NOTCH2: variants seen among roughly 807,000 people sequenced by gnomAD.
The protein encoded by NOTCH2 is neurogenic locus notch homolog protein 2.
NOTCH2 carries 29 observed loss-of-function variants against 235.8 expected under a neutral mutation model. The ratio of observed to expected loss-of-function variants is 0.12; its 90% CI spans 0.09 to 0.17. NOTCH2 has a LOEUF of 0.17. Among genes scored for constraint, NOTCH2 ranks in the 10% least tolerant of loss-of-function variants. The pLI is 1.00. For synonymous variants in NOTCH2, 1,086 were observed against 1,141.5 expected, an observed-to-expected ratio of 0.95 and a Z score of 0.98; for missense variants, 2,285 against 3,150.2, an observed-to-expected ratio of 0.73 and a Z score of 6.57.
rs17258579 is a variant in NOTCH2 at position 119,926,454 on chromosome 1, T to C, written c.4005+45A>G. ...ATCTCAGTTCTGTTCACAGATTGTA[T>C]GGAAGAGACAATGCCCCTTCTTAGA... is the stretch of plus-strand genomic sequence containing the variant. On this transcript the variant is annotated intron_variant, in intron 24 of 33. Transcript: ENST00000256646. 0.13 allele frequency: 172,517 copies of C among 1,334,596 alleles called. 12,384 individuals are homozygous for C. Among genetic ancestry groups the C allele is most frequent in the Non-Finnish European group, 0.15 (140,566 of 940,820 alleles). The allele number at this position is 1,334,596 out of a possible 1,614,324, so 82.7% of individuals were successfully genotyped here.
chr1:119,917,640 C>G (rs769813313), intron 33 of NOTCH2, 25 bp downstream of exon 33: 2 of 1,498,244 alleles, frequency 1.3e-6, no homozygotes, highest in Non-Finnish European at 1.9e-6. Flanking sequence ...TGAGCCTCCT[C>G]AAGCTCAGAG....
At chr1:119,996,652 A>T in intron 4 of NOTCH2, 1 of 881,278 alleles carries the variant, frequency 1.1e-6, no homozygotes, top group African/African-American at 1.6e-5. Flanking sequence ...CCACACATAC[A>T]TATTTTCCAG....
intron 20 of NOTCH2, among the ~76,000 whole-genome samples, 190 bp downstream of exon 20, chr1:119,937,667 T>A (rs1304235992): frequency 6.6e-6 from 1 of 152,200 alleles, no homozygotes; most frequent in East Asian, 1.9e-4. Flanking sequence ...TCAAATACAT[T>A]CTTCTCCGAA....
intron 25 of NOTCH2, 131 bp downstream of exon 25, chr1:119,925,174 G>A (rs1011009753): frequency 3.2e-5 from 37 of 1,146,142 alleles, no homozygotes; most frequent in Non-Finnish European, 4.9e-5. Flanking sequence ...TGTGCGATGG[G>A]ACAAGGCTGG....
At chr1:119,939,719 A>G (rs1283160091) in intron 19 of NOTCH2, among the ~76,000 whole-genome samples, 2 of 151,370 alleles carry the variant, frequency 1.3e-5, no homozygotes, top group East Asian at 1.9e-4. Flanking sequence ...GTGCTTCACC[A>G]GCACTGCCAA....
chr1:119,964,516 C>G lies in NOTCH2; in HGVS notation c.1682-709G>C, dbSNP rs1353131. Among the ~76,000 whole-genome samples the G allele has an allele frequency of 6.0e-3, 914 of 152,272 alleles. 9 individuals carry two copies. The highest frequency in any genetic ancestry group is 0.02 in the African/African-American group (833 of 41,566). On this transcript the variant is annotated intron_variant, in intron 10 of 33. Coordinates refer to ENST00000256646, the MANE Select transcript of NOTCH2 (RefSeq NM_024408.4). Reference sequence around the variant, plus strand: ...CAGGGGAAGACAAAATCTGGATTCTCTGACAAGCATTAACTATTTGCAAAA... The same window carrying G: ...CAGGGGAAGACAAAATCTGGATTCTGTGACAAGCATTAACTATTTGCAAAA...
chr1:119,916,647 T>A lies in NOTCH2; in HGVS notation c.6075A>T (p.Ala2025=). 1 of 1,614,234 alleles carries A rather than the reference T, an allele frequency of 6.2e-7. No homozygotes were observed. Among genetic ancestry groups the A allele is most frequent in the Non-Finnish European group, 8.5e-7 (1 of 1,180,038 alleles). Reference sequence around the variant, plus strand: ...CAAAATGGTCTAACAGGATCTTGGCTGCTTCATAGCTCCCCTCCCGGGCAG... The same window carrying A: ...CAAAATGGTCTAACAGGATCTTGGCAGCTTCATAGCTCCCCTCCCGGGCAG... ...FLAAREGSYE[A]AKILLDHFAN... is the part of the protein sequence containing the mutation. The change falls in exon 34 of 34, where the codon GCA becomes GCT. Residue 2025 remains alanine (A), a synonymous_variant. Coordinates refer to ENST00000256646, the MANE Select transcript of NOTCH2 (RefSeq NM_024408.4).
intron 3 of NOTCH2, among the ~76,000 whole-genome samples, chr1:119,997,590 C>T (rs1237085465): frequency 1.3e-5 from 2 of 151,848 alleles, no homozygotes; most frequent in African/African-American, 4.8e-5. Context: ...CACATTGAAG[C>T]CCAATCCTGC....
intron 3 of NOTCH2, among the ~76,000 whole-genome samples, chr1:120,002,543 T>C (rs2793924): frequency 0.98 from 141,916 of 145,092 alleles, 69,488 homozygotes; most frequent in East Asian, 1. Flanking sequence ...AAAAAAAACA[T>C]AACCTGCTGA....
intron 5 of NOTCH2, among the ~76,000 whole-genome samples, chr1:119,975,226 A>G (rs1232831355): frequency 2.0e-5 from 3 of 151,920 alleles, no homozygotes; most frequent in Non-Finnish European, 2.9e-5. Context: ...AGTGAAGATG[A>G]CATGGCATTA....
intron 19 of NOTCH2, among the ~76,000 whole-genome samples, chr1:119,938,211 C>T (rs889512415): frequency 6.6e-6 from 1 of 152,068 alleles, no homozygotes; most frequent in African/African-American, 2.4e-5. Context: ...TAAGTCTTCA[C>T]TTAATGTCAT....
At chr1:119,989,084 T>C (rs371430883) in intron 4 of NOTCH2, among the ~76,000 whole-genome samples, 2 of 152,342 alleles carry the variant, frequency 1.3e-5, no homozygotes, top group South Asian at 2.1e-4. Flanking sequence ...AGTTATTTCA[T>C]AGCTAAAAGC....
intron 3 of NOTCH2, among the ~76,000 whole-genome samples, chr1:120,000,003 G>GGAAGGAAA (rs1652681549): frequency 6.7e-6 from 1 of 149,256 alleles, no homozygotes; most frequent in East Asian, 2.0e-4. Flanking sequence ...AAGGAAGGAA[G>GGAAGGAAA]GAAGGAAGGA....
intron 25 of NOTCH2, 73 bp downstream of exon 25, chr1:119,925,232 T>A (rs1407702191): frequency 1.3e-6 from 2 of 1,593,766 alleles, no homozygotes; most frequent in Admixed American, 1.7e-5. Flanking sequence ...CTGGAGTGGT[T>A]AGGAGCAAGA....
Position 119,981,753 on chromosome 1 carries a change from G to C in NOTCH2, c.874+5207C>G, listed in dbSNP as rs187814262. On this transcript the variant is annotated intron_variant, in intron 5 of 33. Transcript: ENST00000256646. ...CCCAACTGATAGGAAACCGAATTTGGGGTGAGGAGGTAGAATTCAGAAAAC... is the reference window on the plus strand; with the variant it reads ...CCCAACTGATAGGAAACCGAATTTGCGGTGAGGAGGTAGAATTCAGAAAAC... Among the ~76,000 whole-genome samples, 484 of 152,242 alleles carry C rather than the reference G, an allele frequency of 3.2e-3. 1 individual carries two copies. Among genetic ancestry groups the C allele is most frequent in the African/African-American group, 0.011 (466 of 41,548 alleles).
At chr1:119,958,468 G>C (rs1360016464) in intron 12 of NOTCH2, among the ~76,000 whole-genome samples, 2 of 152,216 alleles carry the variant, frequency 1.3e-5, no homozygotes, top group Non-Finnish European at 2.9e-5. Flanking sequence ...AAACTCTGAA[G>C]GGTGTTTCTC....
chr1:119,942,267 C>T lies in NOTCH2; in HGVS notation c.2753-513G>A, dbSNP rs587676490. 2.4e-4 allele frequency among the ~76,000 whole-genome samples: 37 copies of T among 152,216 alleles called. No individual in the cohort carries two copies. In the South Asian group the frequency reaches 7.7e-3, roughly 32 times the overall value. ...AGTTTAAATAAAAATTGAAATATCA[C>T]ATAGCTTGATCTTGGAACACTTTAT... On this transcript the variant is annotated intron_variant, in intron 17 of 33. Transcript: ENST00000256646.
Position 119,915,499 on chromosome 1 carries a change from A to G in NOTCH2, c.7223T>C (p.Leu2408Pro), listed in dbSNP as rs35586704. ...TGTCAGGTAGGGATGCTCACCCTGGAGGTGACCACTGTGACTGGGTGTTCG... is the reference window on the plus strand; with the variant it reads ...TGTCAGGTAGGGATGCTCACCCTGGGGGTGACCACTGTGACTGGGTGTTCG... ...AERTPSHSGHLQGEHPYLTPS... is the reference protein window; with the variant it reads ...AERTPSHSGHPQGEHPYLTPS... Residue 2408 changes from leucine to proline, a missense_variant, in exon 34 of 34, where the codon CTC becomes CCC. This residue lies in a region of NOTCH2 where 504 missense variants were observed against 538.0 expected (regional missense o/e 0.94). Transcript: ENST00000256646. The G allele has an allele frequency of 6.2e-7, 1 of 1,614,018 alleles. No individual in the cohort carries two copies. Among genetic ancestry groups the G allele is most frequent in the Non-Finnish European group, 8.5e-7 (1 of 1,179,954 alleles).
At chr1:119,922,841 C>A (rs1277761680) in intron 26 of NOTCH2, 63 bp from the exon 27 acceptor site, 7 of 1,602,268 alleles carry the variant, frequency 4.4e-6, no homozygotes, top group South Asian at 1.1e-5. Context: ...GAGTGCAGGT[C>A]AGGCAGAACA....
Sources: gnomAD v4.1 joint callset for allele counts (sites outside exome capture counted in the v4.1 genomes callset) on GRCh38, gnomAD v4.1.1 for gene constraint, gnomAD v4.1.1 regional missense constraint, MANE v1.5 for transcripts, NCBI Gene and HGNC (gene_info 2026-07-23, HGNC 2026-07-21) for gene names.